The following RAD1 variants were observed in gnomAD, a reference collection of about 807,000 sequenced individuals.
The protein encoded by RAD1 is RAD1 checkpoint DNA exonuclease.
A neutral mutation model predicts 30.0 loss-of-function variants in RAD1; 21 were observed. The ratio of observed to expected loss-of-function variants is 0.70; its 90% CI spans 0.50 to 1.01. RAD1 has a LOEUF of 1.01. Among genes scored for constraint, RAD1 ranks in the 50% least tolerant of loss-of-function variants. The pLI, the probability that RAD1 is intolerant of heterozygous loss-of-function variation, is 0.00. For synonymous variants in RAD1, 109 were observed against 113.6 expected (o/e 0.96, Z 0.26); for missense variants, 329 against 329.0 (o/e 1.00, Z 0.00).
rs771156184 is a variant in RAD1 at position 34,911,504 on chromosome 5, G to A, written c.566+50C>T. On this transcript the variant is annotated intron_variant, in intron 4 of 5. Transcript: ENST00000382038. ...GCATCCTAAGCAAATGTCTAAGTGG[G>A]AAGATGGAGTACAGACCACATTAAC... The A allele has an allele frequency of 1.1e-5, 17 of 1,570,970 alleles. No homozygotes were observed. The Admixed American group carries it at 1.3e-4, about 12-fold the overall frequency.
In RAD1 at chr5:34,908,766, C is replaced by T. The variant is rs201074233; in HGVS notation, c.848G>A (p.Ter283=). 1.9e-6 allele frequency: 3 copies of T among 1,598,860 alleles called. No individual in the cohort carries two copies. The highest frequency in any genetic ancestry group is 1.1e-5 in the South Asian group (1 of 89,866). ...PDEEVPESES[*] Reference sequence around the variant, plus strand: ...ATAAATATCAGTGAATTGTCATACTCAAGACTCAGATTCAGGAACTTCTTC... The same window carrying T: ...ATAAATATCAGTGAATTGTCATACTTAAGACTCAGATTCAGGAACTTCTTC... Residue 283 remains the stop codon, a stop_retained_variant, in exon 6 of 6, where the codon TGA becomes TAA. Coordinates refer to ENST00000382038, the MANE Select transcript of RAD1 (RefSeq NM_002853.4).
At chr5:34,912,083 G>C (rs1468025165) in intron 3 of RAD1, among the ~76,000 whole-genome samples, 1 of 152,188 alleles carries the variant, frequency 6.6e-6, no homozygotes, top group East Asian at 1.9e-4. Context: ...GAAATAGCTT[G>C]TTGATTTTAT....
Position 34,914,694 on chromosome 5 carries a change from C to T in RAD1, c.198+1G>A. 1 of 1,614,160 alleles carries T rather than the reference C, an allele frequency of 6.2e-7. No homozygotes were observed. The highest frequency in any genetic ancestry group is 1.1e-5 in the South Asian group (1 of 91,090). On this transcript the variant is annotated splice_donor_variant, in intron 2 of 5. Coordinates refer to ENST00000382038, the MANE Select transcript of RAD1 (RefSeq NM_002853.4). LOFTEE classifies it high-confidence loss of function. ...AGGCTTAAAGGCGCCTACTTCCATA[C>T]CTGAATAAAAGCATTTGCTTGCACA...
rs1764031612 is a variant in RAD1, at chr5:34,915,437, C to G, written c.-91G>C. 14 of 322,676 alleles carry G rather than the reference C, an allele frequency of 4.3e-5. No individual in the cohort carries two copies. The South Asian group carries it at 6.6e-4, about 15-fold the overall frequency. 20.0% of individuals were successfully genotyped at this position (322,676 alleles called of 1,614,324 possible). A position where few individuals can be genotyped will look rare whatever the true frequency, so the allele number is the denominator to read the frequency against. On this transcript the variant is annotated 5_prime_UTR_variant, in exon 1 of 6. Transcript: ENST00000382038. ...CTACCTTTGCGGTGGGGTCTGGACG[C>G]CCGAGAGCCCTTCTCAGCAAAGTCC...
intron 3 of RAD1, 150 bp from the exon 4 acceptor site, chr5:34,911,962 C>T: frequency 2.2e-6 from 2 of 925,644 alleles, no homozygotes; most frequent in East Asian, 2.5e-5. Flanking sequence ...ATGACATCTT[C>T]CCTGATGACA....
At position 34,905,656 on chromosome 5, in the gene RAD1, AAGAC is replaced by A. The variant is rs1403363177; in HGVS notation, c.*3105_*3108del. The A allele has an allele frequency of 6.6e-6, 1 of 152,188 alleles. No homozygotes were observed. Among genetic ancestry groups the A allele is most frequent in the Non-Finnish European group, 1.5e-5 (1 of 68,034 alleles). The allele number at this position is 152,188 out of a possible 1,614,324, so 9.4% of individuals were successfully genotyped here. ...ACTAGAAAGAGAGATAAACTTCAAAAAGACAGAACTAAAAGTCTTTAAATATAAG... is the reference window on the plus strand; with the variant it reads ...ACTAGAAAGAGAGATAAACTTCAAAAAGAACTAAAAGTCTTTAAATATAAG... On this transcript the variant is annotated 3_prime_UTR_variant, in exon 6 of 6. Coordinates refer to ENST00000382038, the MANE Select transcript of RAD1 (RefSeq NM_002853.4).
In RAD1 at chr5:34,906,166, G is replaced by C. The variant is rs989411260; in HGVS notation, c.*2599C>G. ...GGTAGGGGTTTCACCATGTTGGCCA[G>C]GCTGATCTCGAACTTCCTGACCTCA... On this transcript the variant is annotated 3_prime_UTR_variant, in exon 6 of 6. Transcript: ENST00000382038. The C allele has an allele frequency of 3.9e-5, 6 of 151,932 alleles. No individual in the cohort carries two copies. The highest frequency in any genetic ancestry group is 1.5e-4 in the African/African-American group (6 of 41,364). 9.4% of individuals were successfully genotyped at this position (151,932 alleles called of 1,614,324 possible).
At chr5:34,910,344 A>G (rs1334143096) in intron 4 of RAD1, among the ~76,000 whole-genome samples, 1 of 151,820 alleles carries the variant, frequency 6.6e-6, no homozygotes, top group Non-Finnish European at 1.5e-5. Flanking sequence ...AAGGTTTCCA[A>G]TTTCCATTTT....
rs376164878 is a variant in RAD1 at position 34,911,648 on chromosome 5, G to C, written c.472C>G (p.Leu158Val). ...GCTTCACGGAGCCCCTCTGACTGCAGAATAATTTTATTAATAACATTGGTG... is the reference window on the plus strand; with the variant it reads ...GCTTCACGGAGCCCCTCTGACTGCACAATAATTTTATTAATAACATTGGTG... ...CSTNVINKIILQSEGLREAFS... is the reference protein window; with the variant it reads ...CSTNVINKIIVQSEGLREAFS... Residue 158 changes from leucine to valine, a missense_variant, in exon 4 of 6, where the codon CTG (leucine) becomes GTG (valine). Coordinates refer to ENST00000382038, the MANE Select transcript of RAD1 (RefSeq NM_002853.4). The C allele has an allele frequency of 1.2e-6, 2 of 1,614,022 alleles. No homozygotes were observed. Among genetic ancestry groups the C allele is most frequent in the African/African-American group, 2.7e-5 (2 of 74,906 alleles).
intron 1 of RAD1, 43 bp from the exon 2 acceptor site, chr5:34,915,004 G>A (rs1277623888): frequency 4.9e-6 from 6 of 1,214,460 alleles, no homozygotes; most frequent in Non-Finnish European, 5.8e-6. Context: ...TGCTGGCGAG[G>A]TCCGGCGAGC....
At position 34,908,692 on chromosome 5, in the gene RAD1, A is replaced by G; in HGVS notation, c.*73T>C. The G allele has an allele frequency of 7.5e-7, 1 of 1,325,990 alleles. No individual in the cohort carries two copies. Among genetic ancestry groups the G allele is most frequent in the Non-Finnish European group, 1.0e-6 (1 of 968,172 alleles). The allele number at this position is 1,325,990 out of a possible 1,614,324, so 82.1% of individuals were successfully genotyped here. On this transcript the variant is annotated 3_prime_UTR_variant, in exon 6 of 6. Transcript: ENST00000382038. ...TATAGAAAATCCAATATGAAATGAC[A>G]AAGAGTACTGTACTCAGAATAAGAA...
Position 34,908,815 on chromosome 5 carries a change from C to G in RAD1, c.799G>C (p.Val267Leu), listed in dbSNP as rs767339733. Reference sequence around the variant, plus strand: ...TCATCAGGGCAGCAGTAATATTCCACAAAACATATTTGTCCATCTTCATTT... The same window carrying G: ...TCATCAGGGCAGCAGTAATATTCCAGAAAACATATTTGTCCATCTTCATTT... ...IRNEDGQICF[V>L]EYYCCPDEEV... Residue 267 changes from valine (V) to leucine (L), a missense_variant, in exon 6 of 6, where the codon GTG becomes CTG. Coordinates refer to ENST00000382038, the MANE Select transcript of RAD1 (RefSeq NM_002853.4). 64 of 1,612,324 alleles carry G rather than the reference C, an allele frequency of 4.0e-5. 1 individual carries two copies. In the Admixed American group the frequency reaches 6.9e-4, roughly 17 times the overall value.
chr5:34,914,638 C>T (rs879940139), intron 2 of RAD1, 57 bp downstream of exon 2: 2 of 1,560,454 alleles, frequency 1.3e-6, no homozygotes, highest in Non-Finnish European at 1.8e-6. Context: ...CTTCCGATTT[C>T]ATTAAATTAC....
At chr5:34,913,205 A>C (rs1193984401) in intron 3 of RAD1, among the ~76,000 whole-genome samples, 1 of 152,226 alleles carries the variant, frequency 6.6e-6, no homozygotes, top group Non-Finnish European at 1.5e-5. Context: ...AGACATGTCC[A>C]AAGTATTCTT....
chr5:34,913,361 T>G (rs1763908473), intron 3 of RAD1, 109 bp downstream of exon 3: 8 of 529,580 alleles, frequency 1.5e-5, no homozygotes, highest in Non-Finnish European at 2.6e-5. Flanking sequence ...CACTGAAAAA[T>G]GAATTGGCAT....
At chr5:34,914,343 G>A (rs571067294) in intron 2 of RAD1, 3 of 295,478 alleles carry the variant, frequency 1.0e-5, no homozygotes, top group Non-Finnish European at 2.0e-5. Flanking sequence ...TATATAAAAC[G>A]GGAATAATAA....
intron 4 of RAD1, among the ~76,000 whole-genome samples, chr5:34,910,036 G>GTCTCATCC (rs1763781983): frequency 6.6e-6 from 1 of 151,912 alleles, no homozygotes; most frequent in Non-Finnish European, 1.5e-5. Flanking sequence ...TCTCTGACCC[G>GTCTCATCC]TCTCATCCAT....
intron 2 of RAD1, chr5:34,914,121 A>G: frequency 2.4e-6 from 1 of 411,040 alleles, no homozygotes; most frequent in Admixed American, 2.6e-5. Context: ...TGAACTTGCA[A>G]TCCTATCTGA....
chr5:34,913,789 C>T (rs1763939053), intron 2 of RAD1: 3 of 553,278 alleles, frequency 5.4e-6, no homozygotes, highest in Non-Finnish European at 9.9e-6. Flanking sequence ...CTGTGACTCT[C>T]CCTTGTCTCG....
Sources: allele counts gnomAD v4.1 joint callset (sites outside exome capture counted in the v4.1 genomes callset), GRCh38; gene constraint gnomAD v4.1.1; transcripts MANE v1.5; gene names NCBI Gene and HGNC (gene_info 2026-07-23, HGNC 2026-07-21).